The following WASHC5 variants were observed in gnomAD, a reference collection of about 807,000 sequenced individuals.
The protein encoded by WASHC5 is WASH complex subunit 5.
In WASHC5, 101 loss-of-function variants were observed where a neutral mutation model predicts 150.4. The ratio of observed to expected loss-of-function variants is 0.67; its 90% confidence interval spans 0.57 to 0.79. WASHC5 has a LOEUF of 0.79. WASHC5 is among the 30% of genes least tolerant of loss of function. The pLI is 0.00. For synonymous variants in WASHC5, 467 were observed against 491.2 expected, an observed-to-expected ratio of 0.95 and a Z score of 0.65; for missense variants, 1,195 against 1,396.3, an observed-to-expected ratio of 0.86 and a Z score of 2.30.
At chr8:125,052,273 G>A (rs1042908724) in intron 17 of WASHC5, among the ~76,000 whole-genome samples, 4 of 152,122 alleles carry the variant, frequency 2.6e-5, no homozygotes, top group African/African-American at 9.7e-5. Context: ...CAATGCTTTC[G>A]TGAATCTAAA....
intron 14 of WASHC5, among the ~76,000 whole-genome samples, chr8:125,058,499 C>A (rs1034135247): frequency 6.6e-5 from 10 of 152,140 alleles, no homozygotes; most frequent in Non-Finnish European, 1.5e-4. Context: ...GTAATCCCAG[C>A]ACTTTGGGAG....
intron 27 of WASHC5, among the ~76,000 whole-genome samples, chr8:125,031,306 G>C (rs892785803): frequency 6.6e-6 from 1 of 152,028 alleles, no homozygotes; most frequent in Non-Finnish European, 1.5e-5. Flanking sequence ...ATGGAGTCTC[G>C]CTCTGTCACC....
intron 23 of WASHC5, 62 bp downstream of exon 23, chr8:125,043,763 C>T (rs1315577517): frequency 1.6e-5 from 19 of 1,221,362 alleles, no homozygotes; most frequent in Non-Finnish European, 2.0e-5. Flanking sequence ...AACAAAGTTA[C>T]AAGAAAATAA....
At chr8:125,075,249 A>G (rs774058982) in intron 7 of WASHC5, 138 bp from the exon 8 acceptor site, 11 of 686,124 alleles carry the variant, frequency 1.6e-5, no homozygotes, top group Non-Finnish European at 2.7e-5. Flanking sequence ...TTCCAAATAT[A>G]TAGGTAAGTG....
intron 27 of WASHC5, among the ~76,000 whole-genome samples, chr8:125,029,832 T>C (rs1399431712): frequency 6.6e-6 from 1 of 152,228 alleles, no homozygotes; most frequent in African/African-American, 2.4e-5. Flanking sequence ...TATTAATACA[T>C]TACTGGTTAA....
intron 12 of WASHC5, among the ~76,000 whole-genome samples, chr8:125,060,140 A>G (rs760128317): frequency 9.2e-5 from 14 of 152,258 alleles, no homozygotes; most frequent in Non-Finnish European, 1.6e-4. Flanking sequence ...CTAAAAATAT[A>G]TAATCATACC....
chr8:125,054,154 G>T (rs1224310715), intron 17 of WASHC5, among the ~76,000 whole-genome samples: 1 of 152,174 alleles, frequency 6.6e-6, no homozygotes, highest in Non-Finnish European at 1.5e-5. Context: ...TCATGACATT[G>T]GTTGTGATAA....
chr8:125,044,648 T>G lies in WASHC5; in HGVS notation c.2555A>C (p.His852Pro). 1 of 1,614,128 alleles carries G rather than the reference T, an allele frequency of 6.2e-7. No homozygotes were observed. The highest frequency in any genetic ancestry group is 1.1e-5 in the South Asian group (1 of 91,086). The part of the protein sequence containing the change: ...QLNTWYDMKT[H>P]QEVTSSRLFS... ...GAGGCGGCTGCTGGTCACTTCCTGA[T>G]GAGTTTTCATATCATACCAAGTGTT... Residue 852 changes from histidine to proline, a missense_variant, in exon 21 of 29, where the codon CAT (histidine) becomes CCT (proline). Physicochemically the swap from His to Pro is moderately conservative, Grantham distance 77. This residue lies in a region of WASHC5 where 997 missense variants were observed against 1,168.1 expected (regional missense o/e 0.85). Coordinates refer to ENST00000318410, the MANE Select transcript of WASHC5 (RefSeq NM_014846.4).
At chr8:125,090,551 T>C (rs1817576739) in intron 1 of WASHC5, among the ~76,000 whole-genome samples, 2 of 152,234 alleles carry the variant, frequency 1.3e-5, no homozygotes, top group South Asian at 4.1e-4. Context: ...TATTTTCTTT[T>C]ACAAGTGCCG....
Position 125,091,766 on chromosome 8 carries a change from C to G in WASHC5, c.-276G>C, listed in dbSNP as rs1224756358. 1 of 152,428 alleles carries G rather than the reference C, an allele frequency of 6.6e-6. No homozygotes were observed. Among genetic ancestry groups the G allele is most frequent in the African/African-American group, 2.4e-5 (1 of 41,480 alleles). 9.4% of individuals were successfully genotyped at this position (152,428 alleles called of 1,614,324 possible). On this transcript the variant is annotated 5_prime_UTR_variant, in exon 1 of 29. Coordinates refer to ENST00000318410, the MANE Select transcript of WASHC5 (RefSeq NM_014846.4). Reference sequence around the variant, plus strand: ...GTCAGACCCCGACTTCCGCCCCTGACTCCCCAGGCGGTCACATGACCGAAG... The same window carrying G: ...GTCAGACCCCGACTTCCGCCCCTGAGTCCCCAGGCGGTCACATGACCGAAG...
At chr8:125,086,811 A>C (rs918596010) in intron 1 of WASHC5, among the ~76,000 whole-genome samples, 1 of 152,194 alleles carries the variant, frequency 6.6e-6, no homozygotes, top group Non-Finnish European at 1.5e-5. Context: ...CAGGAGTTAC[A>C]AAGAGGAAAG....
intron 14 of WASHC5, among the ~76,000 whole-genome samples, chr8:125,058,458 T>C (rs528814611): frequency 5.4e-4 from 82 of 152,080 alleles, no homozygotes; most frequent in African/African-American, 1.7e-3. Context: ...TCAGGAGACA[T>C]TGAGTAGGCT....
At chr8:125,041,914 GT>G (rs1387516133) in intron 23 of WASHC5, among the ~76,000 whole-genome samples, 1 of 152,108 alleles carries the variant, frequency 6.6e-6, no homozygotes, top group Admixed American at 6.6e-5. Context: ...ACATAAAAAT[GT>G]CCCTGAAACC....
chr8:125,050,427 T>C, intron 18 of WASHC5, 137 bp downstream of exon 18: 1 of 559,566 alleles, frequency 1.8e-6, no homozygotes, highest in Non-Finnish European at 3.3e-6. Context: ...ACATCAGTTG[T>C]TTGTGTTGAA....
At chr8:125,060,727 C>T (rs1477744222) in intron 12 of WASHC5, among the ~76,000 whole-genome samples, 1 of 151,904 alleles carries the variant, frequency 6.6e-6, no homozygotes, top group Non-Finnish European at 1.5e-5. Context: ...TTTTTTCCCC[C>T]AAGGCACACA....
At chr8:125,082,958 T>C (rs1440937245) in intron 3 of WASHC5, 155 bp downstream of exon 3, 1 of 563,904 alleles carries the variant, frequency 1.8e-6, no homozygotes, top group Non-Finnish European at 3.1e-6. Context: ...ATTCTTAAGA[T>C]GACCAGTGCC....
In WASHC5 at chr8:125,067,692, C is replaced by A; in HGVS notation, c.1178G>T (p.Arg393Leu). 6.2e-7 allele frequency: 1 copy of A among 1,613,702 alleles called. No homozygotes were observed. The highest frequency in any genetic ancestry group is 8.5e-7 in the Non-Finnish European group (1 of 1,179,814). ...TGTTAGAATCTGGTCCTTGATTTGA[C>A]GAAGGCGTTTGTTGTTTGGGTCACA... is the stretch of plus-strand genomic sequence containing the variant. Reference protein sequence around the residue: ...SACDPNNKRLRQIKDQILTDS... With the variant: ...SACDPNNKRLLQIKDQILTDS... Residue 393 changes from arginine (R) to leucine (L), a missense_variant, in exon 10 of 29, where the codon CGT becomes CTT. This residue lies in a region of WASHC5 where 997 missense variants were observed against 1,168.1 expected (regional missense o/e 0.85). Transcript: ENST00000318410.
intron 28 of WASHC5, among the ~76,000 whole-genome samples, chr8:125,025,833 G>GACAGACACAC (rs1554589284): frequency 1.4e-5 from 2 of 148,036 alleles, no homozygotes; most frequent in Admixed American, 6.7e-5. Context: ...TATGCAGACA[G>GACAGACACAC]ACACACACAC....
chr8:125,044,802 G>T, intron 20 of WASHC5, 104 bp from the exon 21 acceptor site: 1 of 1,156,982 alleles, frequency 8.6e-7, no homozygotes, highest in Non-Finnish European at 1.3e-6. Context: ...AAGAACAGGA[G>T]TTACATGATC....
Sources: allele counts gnomAD v4.1 joint callset (sites outside exome capture counted in the v4.1 genomes callset), GRCh38; gene constraint gnomAD v4.1.1; regional missense constraint gnomAD v4.1.1; transcripts MANE v1.5; gene names NCBI Gene and HGNC (gene_info 2026-07-23, HGNC 2026-07-21).